CERS4: variants seen among roughly 807,000 people sequenced by gnomAD.
The protein encoded by CERS4 is ceramide synthase 4.
A neutral mutation model predicts 51.8 loss-of-function variants in CERS4; 65 were observed. That is an observed-to-expected ratio of 1.26 (90% CI 1.03 to 1.54). CERS4 has a LOEUF of 1.54. CERS4 is among the 40% of genes most tolerant of loss of function. The probability of loss-of-function intolerance (pLI) is 0.00; values close to 1 mark genes in which losing one functional copy is unlikely to be tolerated. For missense variants in CERS4, 563 were observed against 500.4 expected, an observed-to-expected ratio of 1.13 and a Z score of -1.19; for synonymous variants, 228 against 208.4, an observed-to-expected ratio of 1.09 and a Z score of -0.81.
At chr19:8,240,245 G>A (rs1231787739) in intron 2 of CERS4, among the ~76,000 whole-genome samples, 3 of 152,108 alleles carry the variant, frequency 2.0e-5, no homozygotes, top group African/African-American at 7.2e-5. Flanking sequence ...AGAATGTAGA[G>A]GGCAGGAATG....
At chr19:8,255,790 T>C in intron 5 of CERS4, 32 bp from the exon 6 acceptor site, 1 of 1,613,198 alleles carries the variant, frequency 6.2e-7, no homozygotes, top group Non-Finnish European at 8.5e-7. Flanking sequence ...GGCGGGTGTC[T>C]GCTATTTTCA....
At chr19:8,258,222 G>A (rs1053789286) in intron 10 of CERS4, among the ~76,000 whole-genome samples, 5 of 152,200 alleles carry the variant, frequency 3.3e-5, no homozygotes, top group Non-Finnish European at 5.9e-5. Flanking sequence ...GGAAGGGTCA[G>A]GGCTGCCAGC....
At chr19:8,247,916 T>A (rs1968862126) in intron 2 of CERS4, among the ~76,000 whole-genome samples, 1 of 151,742 alleles carries the variant, frequency 6.6e-6, no homozygotes, top group Non-Finnish European at 1.5e-5. Flanking sequence ...GTATTTTTAG[T>A]AGAGATGAGG....
At chr19:8,215,299 C>T (rs867250673) in intron 2 of CERS4, among the ~76,000 whole-genome samples, 3 of 151,812 alleles carry the variant, frequency 2.0e-5, no homozygotes, top group South Asian at 2.1e-4. Context: ...GCCAACATGG[C>T]GAAACCCTGT....
At position 8,210,536 on chromosome 19, in the gene CERS4, C is replaced by T. The variant is rs1432629510; in HGVS notation, c.-158-170C>T. On this transcript the variant is annotated intron_variant, in intron 1 of 11. Transcript: ENST00000251363. This position sits in a 1 kb window ranked among gnomAD's most constrained non-coding sequence, Gnocchi z 4.2. ...AAACCTACCAGATGGGGGAATGCTCCCATCGACTCCAGTCTGAGCTCAGGC... is the reference window on the plus strand; with the variant it reads ...AAACCTACCAGATGGGGGAATGCTCTCATCGACTCCAGTCTGAGCTCAGGC... The T allele has an allele frequency of 6.6e-6, 1 of 151,932 alleles. No homozygotes were observed. Among genetic ancestry groups the T allele is most frequent in the Admixed American group, 6.6e-5 (1 of 15,252 alleles). 9.4% of individuals were successfully genotyped at this position (151,932 alleles called of 1,614,324 possible).
In CERS4 at chr19:8,262,205, A is replaced by G; in HGVS notation, c.*96A>G. 7.6e-7 allele frequency: 1 copy of G among 1,316,656 alleles called. No homozygotes were observed. The highest frequency in any genetic ancestry group is 2.8e-4 in the Middle Eastern group (1 of 3,578). The allele number at this position is 1,316,656 out of a possible 1,614,324, so 81.6% of individuals were successfully genotyped here. A position where few individuals can be genotyped will look rare whatever the true frequency, so the allele number is the denominator to read the frequency against. On this transcript the variant is annotated 3_prime_UTR_variant, in exon 12 of 12. Transcript: ENST00000251363. ...GCGCCCCTGGGCCACCTTTCTGGAG[A>G]CAGGGAGGGCCCCACCCGGGGTGGG...
At position 8,221,121 on chromosome 19, in the gene CERS4, G is replaced by A. The variant is rs374457204; in HGVS notation, c.-2+10259G>A. On this transcript the variant is annotated intron_variant, in intron 2 of 11. Transcript: ENST00000251363. ...ATTACAGGCGTGAGCCACTGTGCCC[G>A]GCCTGTGTATTTTTTTTTTTTTTTT... Among the ~76,000 whole-genome samples the A allele has an allele frequency of 2.6e-4, 39 of 150,884 alleles. No individual in the cohort carries two copies. In the South Asian group the frequency reaches 4.0e-3, roughly 15 times the overall value.
intron 2 of CERS4, among the ~76,000 whole-genome samples, chr19:8,247,053 C>T (rs923615430): frequency 6.6e-6 from 1 of 152,174 alleles, no homozygotes; most frequent in South Asian, 2.1e-4. Context: ...GTAATCCCAG[C>T]TACTCGGGAG....
In CERS4 at chr19:8,232,481, G is replaced by A. The variant is rs143964985; in HGVS notation, c.-1-18595G>A. Among the ~76,000 whole-genome samples, 551 of 151,720 alleles carry A rather than the reference G, an allele frequency of 3.6e-3. 4 individuals carry two copies. Among genetic ancestry groups the A allele is most frequent in the African/African-American group, 0.012 (485 of 41,376 alleles). On this transcript the variant is annotated intron_variant, in intron 2 of 11. Coordinates refer to ENST00000251363, the MANE Select transcript of CERS4 (RefSeq NM_024552.3). ...ATTTTTTTGTATTTTTAGTAGAGAC[G>A]GGGTTTCTCCATGTTGGTCAGGCTG...
chr19:8,218,797 C>T (rs1450750753), intron 2 of CERS4, among the ~76,000 whole-genome samples: 10 of 152,182 alleles, frequency 6.6e-5, no homozygotes, highest in Non-Finnish European at 1.3e-4. Context: ...GCCTCTGCCT[C>T]CCCACTGGGG....
chr19:8,224,138 G>A (rs545886532), intron 2 of CERS4, among the ~76,000 whole-genome samples: 5 of 149,256 alleles, frequency 3.3e-5, no homozygotes, highest in Non-Finnish European at 7.4e-5. Flanking sequence ...GCCAGGCACG[G>A]TGGCCCATGC....
intron 3 of CERS4, among the ~76,000 whole-genome samples, 199 bp from the exon 4 acceptor site, chr19:8,254,300 G>A (rs1330668257): frequency 1.7e-5 from 2 of 117,532 alleles, no homozygotes; most frequent in Non-Finnish European, 3.4e-5. Flanking sequence ...TCCAGCCTGG[G>A]TGACAGTGCA....
At chr19:8,240,213 G>C (rs927177111) in intron 2 of CERS4, among the ~76,000 whole-genome samples, 2 of 152,158 alleles carry the variant, frequency 1.3e-5, no homozygotes, top group African/African-American at 2.4e-5. Flanking sequence ...TGGGGAGGCA[G>C]AGGTGGGGAG....
At chr19:8,245,624 C>T (rs1968745946) in intron 2 of CERS4, among the ~76,000 whole-genome samples, 1 of 151,810 alleles carries the variant, frequency 6.6e-6, no homozygotes, top group South Asian at 2.1e-4. Flanking sequence ...ACTGCAGCCT[C>T]CGCCTCCCGG....
At chr19:8,226,406 T>C (rs1967789733) in intron 2 of CERS4, among the ~76,000 whole-genome samples, 2 of 152,140 alleles carry the variant, frequency 1.3e-5, no homozygotes, top group Non-Finnish European at 2.9e-5. Flanking sequence ...GCTTTGCACC[T>C]GCTTGGCCCT....
At chr19:8,252,287 T>C (rs1204447504) in intron 3 of CERS4, among the ~76,000 whole-genome samples, 1 of 151,046 alleles carries the variant, frequency 6.6e-6, no homozygotes, top group Non-Finnish European at 1.5e-5. Flanking sequence ...GGAGAATTGC[T>C]TGAACCCAGG....
chr19:8,213,169 C>T (rs933454356), intron 2 of CERS4, among the ~76,000 whole-genome samples: 4 of 152,154 alleles, frequency 2.6e-5, no homozygotes, highest in South Asian at 4.2e-4. Flanking sequence ...CAGGCATAAG[C>T]CACCACACCT....
At position 8,249,986 on chromosome 19, in the gene CERS4, C is replaced by T. The variant is rs114247258; in HGVS notation, c.-1-1090C>T. Among the ~76,000 whole-genome samples the T allele has an allele frequency of 9.9e-3, 1,487 of 150,960 alleles. 31 individuals carry two copies. The highest frequency in any genetic ancestry group is 0.035 in the African/African-American group (1,440 of 41,106). On this transcript the variant is annotated intron_variant, in intron 2 of 11. Transcript: ENST00000251363. ...TCCTGGACGTTTGAGGACTCAAGTTCTTTTTTTTGAGACAGTTTTTCTCTG... is the reference window on the plus strand; with the variant it reads ...TCCTGGACGTTTGAGGACTCAAGTTTTTTTTTTTGAGACAGTTTTTCTCTG...
intron 2 of CERS4, among the ~76,000 whole-genome samples, chr19:8,245,408 G>A (rs1165110215): frequency 6.6e-6 from 1 of 151,426 alleles, no homozygotes; most frequent in East Asian, 1.9e-4. Context: ...ATGCCACCTT[G>A]CCCGGCTAAT....
Sources: allele counts gnomAD v4.1 joint callset (sites outside exome capture counted in the v4.1 genomes callset), GRCh38; gene constraint gnomAD v4.1.1; non-coding constraint Gnocchi (gnomAD v3.1); transcripts MANE v1.5; gene names NCBI Gene and HGNC (gene_info 2026-07-23, HGNC 2026-07-21).